Variants in ERICH3 observed in about 807,000 individuals in gnomAD.
ERICH3 encodes glutamate rich 3.
ERICH3 carries 126 observed loss-of-function variants against 131.1 expected under a neutral mutation model. The observed-to-expected ratio is 0.96, with a 90% CI of 0.83 to 1.11. The LOEUF (loss-of-function observed/expected upper bound fraction) is 1.11. Among genes scored for constraint, ERICH3 ranks in the 50% most tolerant of loss-of-function variants. The probability of loss-of-function intolerance (pLI) is 0.00; values close to 1 mark genes in which losing one functional copy is unlikely to be tolerated. For synonymous variants in ERICH3, 695 were observed against 644.6 expected (o/e 1.08, Z -1.18); for missense variants, 2,050 against 1,810.7 (o/e 1.13, Z -2.40).
At chr1:74,642,114 A>T (rs1449059447) in intron 4 of ERICH3, among the ~76,000 whole-genome samples, 2 of 152,098 alleles carry the variant, frequency 1.3e-5, no homozygotes, top group African/African-American at 4.8e-5. Context: ...TCCTTGATGT[A>T]GGGCAATATT....
chr1:74,571,981 T>C lies in ERICH3; in HGVS notation c.3729A>G (p.Leu1243=). The C allele has an allele frequency of 1.2e-6, 2 of 1,614,044 alleles. No individual in the cohort carries two copies. Among genetic ancestry groups the C allele is most frequent in the Non-Finnish European group, 1.7e-6 (2 of 1,180,018 alleles). The part of the protein sequence containing the change: ...LIPATGQAEE[L]AAKDHDSCAG... ...CGCAGGAGTCGTGATCTTTGGCTGC[T>C]AGCTCCTCTGCCTGGCCTGTGGCTG... Residue 1243 remains leucine (L), a synonymous_variant, in exon 14 of 15, where the codon CTA becomes CTG. Coordinates refer to ENST00000326665, the MANE Select transcript of ERICH3 (RefSeq NM_001002912.5).
intron 10 of ERICH3, among the ~76,000 whole-genome samples, chr1:74,605,488 A>C (rs1241386715): frequency 6.6e-6 from 1 of 150,440 alleles, no homozygotes. Context: ...TGCCTTCCTC[A>C]CTAAGCCTAA....
At chr1:74,625,730 G>A (rs1175278359) in intron 7 of ERICH3, 2 of 152,126 alleles carry the variant, frequency 1.3e-5, no homozygotes, top group African/African-American at 4.8e-5. Context: ...ACTGGACTGA[G>A]CTATATTCTC....
chr1:74,670,262 T>A (rs1241224181), intron 1 of ERICH3, among the ~76,000 whole-genome samples: 28 of 152,176 alleles, frequency 1.8e-4, no homozygotes, highest in Admixed American at 1.8e-3. Context: ...CTCTATCAGA[T>A]GTTGGTCTGA....
At chr1:74,617,754 TAG>T in intron 8 of ERICH3, among the ~76,000 whole-genome samples, 1 of 152,336 alleles carries the variant, frequency 6.6e-6, no homozygotes, top group African/African-American at 2.4e-5. Flanking sequence ...GTCCTACACC[TAG>T]TCTGTGATAA....
chr1:74,617,475 A>C (rs1360128255), intron 8 of ERICH3, among the ~76,000 whole-genome samples: 1 of 152,248 alleles, frequency 6.6e-6, no homozygotes, highest in Non-Finnish European at 1.5e-5. Context: ...AATTTTTAAA[A>C]ATATGGTATA....
At chr1:74,610,674 C>T (rs1489831670) in intron 9 of ERICH3, among the ~76,000 whole-genome samples, 1 of 151,908 alleles carries the variant, frequency 6.6e-6, no homozygotes, top group Non-Finnish European at 1.5e-5. Flanking sequence ...CACCTAATTA[C>T]CATTCTTTAT....
At chr1:74,650,235 T>C (rs2100643280) in intron 1 of ERICH3, among the ~76,000 whole-genome samples, 1 of 152,252 alleles carries the variant, frequency 6.6e-6, no homozygotes, top group East Asian at 1.9e-4. Flanking sequence ...ATAGATCACT[T>C]TTGATTTTTA....
chr1:74,617,845 C>T (rs1649043787), intron 8 of ERICH3, among the ~76,000 whole-genome samples: 1 of 151,984 alleles, frequency 6.6e-6, no homozygotes, highest in African/African-American at 2.4e-5. Context: ...GCATTTAATT[C>T]ACACCTCAAT....
At position 74,572,127 on chromosome 1, in the gene ERICH3, CTT is replaced by C; in HGVS notation, c.3581_3582del (p.Glu1194GlyfsTer8). ...EARDTEHKDR[E>X]ELSSRENRAL... ...GCCCTATTCTCCCTGCTGGACAGCT[CTT>C]CTCTGTCTTTGTGCTCTGTGTCTCT... On this transcript the variant is annotated frameshift_variant, in exon 14 of 15. Transcript: ENST00000326665. LOFTEE classifies it high-confidence loss of function. 1 of 1,614,226 alleles carries C rather than the reference CTT, an allele frequency of 6.2e-7. No homozygotes were observed. Among genetic ancestry groups the C allele is most frequent in the Non-Finnish European group, 8.5e-7 (1 of 1,180,030 alleles).
Position 74,572,614 on chromosome 1 carries a change from T to A in ERICH3, c.3096A>T (p.Glu1032Asp), listed in dbSNP as rs368175493. Reference sequence around the variant, plus strand: ...TAGCTTCTGCCTCAGTCACCATCTCTTCCCCTTCCACATCTTCCTTGCAAA... The same window carrying A: ...TAGCTTCTGCCTCAGTCACCATCTCATCCCCTTCCACATCTTCCTTGCAAA... Reference protein sequence around the residue: ...AFLCKEDVEGEEMVTEAEANR... With the variant: ...AFLCKEDVEGDEMVTEAEANR... The change falls in exon 14 of 15, where the codon GAA (glutamate) becomes GAT (aspartate). Residue 1032 changes from glutamate (E) to aspartate (D), a missense_variant. By Grantham distance (45) the Glu-to-Asp change is conservative. Coordinates refer to ENST00000326665, the MANE Select transcript of ERICH3 (RefSeq NM_001002912.5). The A allele has an allele frequency of 6.2e-7, 1 of 1,613,918 alleles. No homozygotes were observed.
chr1:74,585,609 T>C (rs1647291122), intron 12 of ERICH3, among the ~76,000 whole-genome samples: 1 of 152,154 alleles, frequency 6.6e-6, no homozygotes, highest in Non-Finnish European at 1.5e-5. Flanking sequence ...ATTTGTAACA[T>C]AGATTATTCT....
rs1646959102 is a variant in ERICH3 at position 74,572,030 on chromosome 1, A to C, written c.3680T>G (p.Val1227Gly). The C allele has an allele frequency of 6.2e-7, 1 of 1,613,928 alleles. No individual in the cohort carries two copies. The highest frequency in any genetic ancestry group is 2.2e-5 in the East Asian group (1 of 44,858). The change falls in exon 14 of 15, where the codon GTG becomes GGG. Residue 1227 changes from valine to glycine, a missense_variant. Physicochemically the swap from Val to Gly is moderately radical, Grantham distance 109. Coordinates refer to ENST00000326665, the MANE Select transcript of ERICH3 (RefSeq NM_001002912.5). ...TGGGATCAGCCCCTCAGGGGCCTGC[A>C]CCTTTCCTGCTGGCTCAGCTTCAGG... is the stretch of plus-strand genomic sequence containing the variant. ...AAPEAEPAGK[V>G]QAPEGLIPAT...
chr1:74,594,456 G>T (rs1396506615), intron 11 of ERICH3, among the ~76,000 whole-genome samples: 1 of 152,026 alleles, frequency 6.6e-6, no homozygotes, highest in Non-Finnish European at 1.5e-5. Flanking sequence ...CATAACTGAG[G>T]TTCTGAGTTG....
rs1391222654 is a variant in ERICH3 at position 74,646,706 on chromosome 1, G to A, written c.204C>T (p.Cys68=). The change falls in exon 3 of 15, where the codon TGC becomes TGT. Residue 68 remains cysteine (C), a synonymous_variant. Transcript: ENST00000326665. ...KRDHQKYIRE[C]LAQAIFHKVL... ...CTTTATGAAAAATTGCCTGGGCTAAGCATTCCCGGATATATTTTTGATGAT... is the reference window on the plus strand; with the variant it reads ...CTTTATGAAAAATTGCCTGGGCTAAACATTCCCGGATATATTTTTGATGAT... 6.8e-7 allele frequency: 1 copy of A among 1,476,804 alleles called. No homozygotes were observed. The highest frequency in any genetic ancestry group is 1.4e-5 in the African/African-American group (1 of 71,144). 91.5% of individuals were successfully genotyped at this position (1,476,804 alleles called of 1,614,324 possible).
chr1:74,633,581 G>A (rs1309192643), intron 6 of ERICH3, among the ~76,000 whole-genome samples: 2 of 151,710 alleles, frequency 1.3e-5, no homozygotes, highest in South Asian at 2.1e-4. Flanking sequence ...CTTTTAGTTC[G>A]ACAGCATTTT....
intron 2 of ERICH3, among the ~76,000 whole-genome samples, chr1:74,647,377 G>A (rs544720121): frequency 6.6e-6 from 1 of 152,058 alleles, no homozygotes; most frequent in African/African-American, 2.4e-5. Flanking sequence ...AAAATACTTG[G>A]TTTCATTACT....
chr1:74,648,622 G>A (rs570002350), intron 2 of ERICH3, among the ~76,000 whole-genome samples: 21 of 152,232 alleles, frequency 1.4e-4, no homozygotes, highest in Admixed American at 7.2e-4. Flanking sequence ...AAGGTAAACA[G>A]CTAACACTTT....
chr1:74,619,241 T>A (rs1331353924), intron 8 of ERICH3, among the ~76,000 whole-genome samples: 1 of 152,208 alleles, frequency 6.6e-6, no homozygotes, highest in Non-Finnish European at 1.5e-5. Flanking sequence ...TCACAGAGTG[T>A]ACATCATCTA....
Sources: gnomAD v4.1 joint callset for allele counts (sites outside exome capture counted in the v4.1 genomes callset) on GRCh38, gnomAD v4.1.1 for gene constraint, MANE v1.5 for transcripts, NCBI Gene and HGNC (gene_info 2026-07-23, HGNC 2026-07-21) for gene names.